The following NEK7 variants were observed in gnomAD, a reference collection of about 807,000 sequenced individuals.
The protein encoded by NEK7 is serine/threonine-protein kinase Nek7.
Under a neutral mutation model 44.6 loss-of-function variants are expected in NEK7, and 18 were observed. That is an observed-to-expected ratio of 0.40 (90% confidence interval 0.28 to 0.60). NEK7 has a LOEUF of 0.60. Among genes scored for constraint, NEK7 ranks in the 20% least tolerant of loss-of-function variants. The probability of loss-of-function intolerance (pLI) is 0.38; values close to 1 mark genes in which losing one functional copy is unlikely to be tolerated. For synonymous variants in NEK7, 130 were observed against 121.1 expected (o/e 1.07, Z -0.48); for missense variants, 256 against 366.5 (o/e 0.70, Z 2.46).
intron 1 of NEK7, among the ~76,000 whole-genome samples, chr1:198,226,727 CCTT>C (rs1553251424): frequency 1.8e-5 from 2 of 113,698 alleles, no homozygotes; most frequent in South Asian, 6.5e-4. Flanking sequence ...CAGAAGGAGT[CCTT>C]CTAACAATCT....
At chr1:198,183,157 A>G (rs1664816075) in intron 1 of NEK7, among the ~76,000 whole-genome samples, 1 of 152,214 alleles carries the variant, frequency 6.6e-6, no homozygotes, top group Admixed American at 6.5e-5. Flanking sequence ...TGAAAAATCA[A>G]CCCTATAACT....
chr1:198,256,338 T>C (rs749207946), intron 3 of NEK7: 10 of 1,606,116 alleles, frequency 6.2e-6, no homozygotes, highest in Non-Finnish European at 7.6e-6. Flanking sequence ...GTTTGCCTGT[T>C]ACCTGTATGG....
chr1:198,295,315 C>T (rs2103011450), intron 8 of NEK7, among the ~76,000 whole-genome samples: 1 of 152,214 alleles, frequency 6.6e-6, no homozygotes, highest in East Asian at 1.9e-4. Context: ...CGAAGACAGA[C>T]AGTGGGCTTT....
At chr1:198,252,049 T>A (rs1471585284) in intron 2 of NEK7, among the ~76,000 whole-genome samples, 2 of 152,268 alleles carry the variant, frequency 1.3e-5, no homozygotes, top group East Asian at 1.9e-4. Flanking sequence ...GCTTTGAATG[T>A]GTCCCAGAGA....
At chr1:198,285,706 A>G (rs1654346536) in intron 7 of NEK7, among the ~76,000 whole-genome samples, 1 of 152,116 alleles carries the variant, frequency 6.6e-6, no homozygotes, top group Non-Finnish European at 1.5e-5. Flanking sequence ...AGGGAAATGT[A>G]ATTCTCCTAT....
At chr1:198,261,928 G>A (rs1209747867) in intron 3 of NEK7, among the ~76,000 whole-genome samples, 5 of 151,692 alleles carry the variant, frequency 3.3e-5, no homozygotes, top group Admixed American at 3.3e-4. Flanking sequence ...GTGTAGTACT[G>A]TATGTGTATC....
At chr1:198,230,692 C>T (rs547994758) in intron 1 of NEK7, among the ~76,000 whole-genome samples, 3 of 152,070 alleles carry the variant, frequency 2.0e-5, no homozygotes, top group South Asian at 2.1e-4. Flanking sequence ...AAAAAAACTA[C>T]AGAAAAGCTA....
At chr1:198,291,038 G>A (rs1375982390) in intron 7 of NEK7, among the ~76,000 whole-genome samples, 2 of 152,160 alleles carry the variant, frequency 1.3e-5, no homozygotes, top group South Asian at 4.1e-4. Flanking sequence ...AAGGTGTTAT[G>A]CTGGGGCTAA....
chr1:198,310,228 T>A (rs1395609706), intron 9 of NEK7, among the ~76,000 whole-genome samples: 1 of 152,192 alleles, frequency 6.6e-6, no homozygotes, highest in Non-Finnish European at 1.5e-5. Flanking sequence ...GTTTTTTGGC[T>A]GCATAAATGT....
intron 1 of NEK7, among the ~76,000 whole-genome samples, chr1:198,204,209 G>T (rs1412232104): frequency 6.6e-6 from 1 of 151,982 alleles, no homozygotes; most frequent in African/African-American, 2.4e-5. Flanking sequence ...GCAGTGAGCC[G>T]TGATTGCACC....
chr1:198,294,586 G>T (rs1160878182), intron 8 of NEK7, among the ~76,000 whole-genome samples: 1 of 152,038 alleles, frequency 6.6e-6, no homozygotes, highest in Non-Finnish European at 1.5e-5. Flanking sequence ...GTTTTTGAGA[G>T]GAAGTTTGCA....
chr1:198,316,205 C>A (rs953871459), intron 9 of NEK7, among the ~76,000 whole-genome samples: 1 of 152,072 alleles, frequency 6.6e-6, no homozygotes, highest in African/African-American at 2.4e-5. Flanking sequence ...CACAACCATA[C>A]TGGAGGAAGG....
At chr1:198,229,368 G>A (rs927441535) in intron 1 of NEK7, among the ~76,000 whole-genome samples, 3 of 152,092 alleles carry the variant, frequency 2.0e-5, no homozygotes, top group African/African-American at 7.2e-5. Flanking sequence ...ACTGGTAAAC[G>A]TATTTCCCCT....
intron 2 of NEK7, among the ~76,000 whole-genome samples, chr1:198,249,177 G>A (rs1033520858): frequency 8.6e-5 from 13 of 151,676 alleles, no homozygotes; most frequent in Admixed American, 2.0e-4. Context: ...TACTGAGAAT[G>A]ATGATTTCCA....
intron 1 of NEK7, among the ~76,000 whole-genome samples, chr1:198,191,852 T>A (rs907991850): frequency 1.3e-5 from 2 of 152,112 alleles, no homozygotes; most frequent in Non-Finnish European, 2.9e-5. Context: ...TTCAAAATAA[T>A]TGATAACCAG....
At chr1:198,304,667 C>A (rs1654976325) in intron 9 of NEK7, among the ~76,000 whole-genome samples, 1 of 152,126 alleles carries the variant, frequency 6.6e-6, no homozygotes, top group Non-Finnish European at 1.5e-5. Flanking sequence ...TGGGTTATCA[C>A]CCTGACAACA....
At chr1:198,170,319 G>C (rs1162426776) in intron 1 of NEK7, among the ~76,000 whole-genome samples, 1 of 152,122 alleles carries the variant, frequency 6.6e-6, no homozygotes, top group Non-Finnish European at 1.5e-5. Context: ...ACAGAGACTA[G>C]TTTGGCAATT....
chr1:198,303,731 AAAG>A (rs1256141607), intron 9 of NEK7, among the ~76,000 whole-genome samples: 2 of 152,156 alleles, frequency 1.3e-5, no homozygotes, highest in African/African-American at 2.4e-5. Context: ...AGATTATTTA[AAAG>A]AAGGACATTA....
At chr1:198,238,216 C>G (rs1666589582) in intron 2 of NEK7, among the ~76,000 whole-genome samples, 1 of 152,150 alleles carries the variant, frequency 6.6e-6, no homozygotes, top group African/African-American at 2.4e-5. Context: ...ACACTGCTTC[C>G]CCTGTAACCC....
Sources: gnomAD v4.1 joint callset for allele counts (sites outside exome capture counted in the v4.1 genomes callset) on GRCh38, gnomAD v4.1.1 for gene constraint, MANE v1.5 for transcripts, NCBI Gene and HGNC (gene_info 2026-07-23, HGNC 2026-07-21) for gene names.